Variants in PRKCE observed in about 807,000 individuals in gnomAD.
PRKCE encodes protein kinase C epsilon, also known as protein kinase C epsilon type.
A neutral mutation model predicts 85.4 loss-of-function variants in PRKCE; 16 were observed. That is an observed-to-expected ratio of 0.19 (90% confidence interval 0.13 to 0.28). The LOEUF (loss-of-function observed/expected upper bound fraction) is 0.28, where lower values mean the gene tolerates loss of function less well. Among genes scored for constraint, PRKCE ranks in the 10% least tolerant of loss-of-function variants. The pLI, the probability that PRKCE is intolerant of heterozygous loss-of-function variation, is 1.00. For synonymous variants in PRKCE, 388 were observed against 371.5 expected (o/e 1.04, Z -0.51); for missense variants, 573 against 975.2 (o/e 0.59, Z 5.49).
At chr2:46,076,661 A>G (rs546172693) in intron 10 of PRKCE, among the ~76,000 whole-genome samples, 3 of 152,208 alleles carry the variant, frequency 2.0e-5, no homozygotes, top group African/African-American at 7.2e-5. Context: ...TGGAGTTTTT[A>G]CCATTTGGCC....
chr2:45,982,733 G>T (rs1208141937), intron 5 of PRKCE, among the ~76,000 whole-genome samples: 1 of 152,182 alleles, frequency 6.6e-6, no homozygotes, highest in Non-Finnish European at 1.5e-5. Context: ...GCATGCTCTT[G>T]TGTGGACTCC....
At chr2:46,087,771 A>G (rs1669782960) in intron 11 of PRKCE, among the ~76,000 whole-genome samples, 1 of 152,204 alleles carries the variant, frequency 6.6e-6, no homozygotes, top group Non-Finnish European at 1.5e-5. Context: ...TGATTGAGGA[A>G]TCAGCCAGGC....
At chr2:46,054,311 C>T (rs926469810) in intron 10 of PRKCE, among the ~76,000 whole-genome samples, 6 of 152,234 alleles carry the variant, frequency 3.9e-5, no homozygotes, top group Admixed American at 2.6e-4. Flanking sequence ...TGCACCACCT[C>T]TTCCCACTTG....
intron 2 of PRKCE, among the ~76,000 whole-genome samples, chr2:45,961,034 A>G (rs888563502): frequency 2.0e-5 from 3 of 152,238 alleles, no homozygotes; most frequent in Non-Finnish European, 4.4e-5. Flanking sequence ...TTTATTTTTT[A>G]GAATACCAGG....
At position 45,673,394 on chromosome 2, in the gene PRKCE, A is replaced by G. The variant is rs143608235; in HGVS notation, c.348+20946A>G. Among the ~76,000 whole-genome samples the G allele has an allele frequency of 5.3e-5, 8 of 152,314 alleles. No homozygotes were observed. In the East Asian group the frequency reaches 1.2e-3, roughly 22 times the overall value. ...TTTTTTTTACAGCCTTCGATAGGCT[A>G]TTTTCCATCAGTTTTCTGGATGGCA... On this transcript the variant is annotated intron_variant, in intron 1 of 14. Coordinates refer to ENST00000306156, the MANE Select transcript of PRKCE (RefSeq NM_005400.3).
chr2:46,172,467 G>GGGCCTGGGCA (rs1023591973), intron 14 of PRKCE, among the ~76,000 whole-genome samples: 1 of 151,130 alleles, frequency 6.6e-6, no homozygotes, highest in African/African-American at 2.5e-5. Context: ...GTATAGGTGT[G>GGGCCTGGGCA]GGCCTGGGCA....
rs1172130426 is a variant in PRKCE at position 46,145,753 on chromosome 2, A to C, written c.1731+522A>C. Among the ~76,000 whole-genome samples, 1 of 152,166 alleles carries C rather than the reference A, an allele frequency of 6.6e-6. No individual in the cohort carries two copies. The highest frequency in any genetic ancestry group is 1.9e-4 in the East Asian group (1 of 5,186). On this transcript the variant is annotated intron_variant, in intron 12 of 14. Transcript: ENST00000306156. This position sits in a 1 kb window ranked among gnomAD's most constrained non-coding sequence, Gnocchi z 4.6. ...CATAGTGGTGCAAACCTGTAGTCCC[A>C]GCTACTTGGGAGGCTGAGGTGAAAG...
intron 13 of PRKCE, among the ~76,000 whole-genome samples, chr2:46,156,884 A>C (rs537706511): frequency 6.6e-6 from 1 of 152,196 alleles, no homozygotes; most frequent in East Asian, 1.9e-4. Context: ...CACACTCTCT[A>C]CTTATGTTTT....
At chr2:45,903,894 TGTTTGTTTG>T (rs1558815074) in intron 2 of PRKCE, among the ~76,000 whole-genome samples, 1 of 95,664 alleles carries the variant, frequency 1.0e-5, no homozygotes, top group Non-Finnish European at 2.7e-5. Context: ...TTTTTTTGTT[TGTTTGTTTG>T]TTTGTTTGTT....
chr2:45,921,401 A>T (rs751160212), intron 2 of PRKCE, among the ~76,000 whole-genome samples: 6 of 152,240 alleles, frequency 3.9e-5, no homozygotes, highest in Non-Finnish European at 7.3e-5. Context: ...AGATGGGAGA[A>T]AATAACAATA....
chr2:46,182,173 C>G (rs1680046348), intron 14 of PRKCE, among the ~76,000 whole-genome samples: 1 of 152,152 alleles, frequency 6.6e-6, no homozygotes, highest in Non-Finnish European at 1.5e-5. Context: ...TTGCCACAGC[C>G]TACCCAGCCC....
chr2:45,826,044 TTGG>T (rs1237341082), intron 1 of PRKCE, among the ~76,000 whole-genome samples: 4 of 152,156 alleles, frequency 2.6e-5, no homozygotes, highest in African/African-American at 9.7e-5. Flanking sequence ...GGGTGCATGT[TTGG>T]TGGTGATGGT....
intron 2 of PRKCE, among the ~76,000 whole-genome samples, chr2:45,896,810 A>G (rs1696180839): frequency 6.6e-6 from 1 of 152,230 alleles, no homozygotes; most frequent in Admixed American, 6.5e-5. Flanking sequence ...GACTGAGGGT[A>G]CCGTGGCTCA....
chr2:45,772,784 G>A (rs1318001594), intron 1 of PRKCE, among the ~76,000 whole-genome samples: 2 of 152,128 alleles, frequency 1.3e-5, no homozygotes, highest in South Asian at 2.1e-4. Context: ...AGTGTATCTC[G>A]GGGAAGAGGA....
At chr2:45,756,055 A>G (rs1290095896) in intron 1 of PRKCE, among the ~76,000 whole-genome samples, 2 of 152,206 alleles carry the variant, frequency 1.3e-5, no homozygotes, top group African/African-American at 4.8e-5. Context: ...GGCGTTTACT[A>G]GACACACAAT....
intron 1 of PRKCE, among the ~76,000 whole-genome samples, chr2:45,653,458 C>T (rs1180454803): frequency 8.0e-6 from 1 of 124,404 alleles, no homozygotes; most frequent in African/African-American, 2.9e-5. Context: ...AGGTTTGTTA[C>T]ATGTTTCCAG....
At position 45,862,228 on chromosome 2, in the gene PRKCE, A is replaced by ACG. The variant is rs70937973; in HGVS notation, c.412+19165_412+19166insCG. On this transcript the variant is annotated intron_variant, in intron 2 of 14. Coordinates refer to ENST00000306156, the MANE Select transcript of PRKCE (RefSeq NM_005400.3). ...CACACACACACACACACACACACAC[A>ACG]GTATTTCAAATCTGTTACTCTGAAT... Among the ~76,000 whole-genome samples, 81 of 146,516 alleles carry ACG rather than the reference A, an allele frequency of 5.5e-4. 1 individual carries two copies. Among genetic ancestry groups the ACG allele is most frequent in the South Asian group, 2.4e-3 (11 of 4,566 alleles).
chr2:45,700,800 ACTGGTGTC>A (rs752470153), intron 1 of PRKCE, among the ~76,000 whole-genome samples: 1 of 152,148 alleles, frequency 6.6e-6, no homozygotes, highest in Non-Finnish European at 1.5e-5. Context: ...ATCCAATATG[ACTGGTGTC>A]CTTATAAGAA....
chr2:45,958,210 AAAAG>A (rs1558884751), intron 2 of PRKCE, among the ~76,000 whole-genome samples: 4 of 150,026 alleles, frequency 2.7e-5, no homozygotes, highest in Admixed American at 6.6e-5. Context: ...AAAAAAAAAA[AAAAG>A]AAAAAGAAAA....
Sources: allele counts gnomAD v4.1 joint callset (sites outside exome capture counted in the v4.1 genomes callset), GRCh38; gene constraint gnomAD v4.1.1; non-coding constraint Gnocchi (gnomAD v3.1); transcripts MANE v1.5; gene names NCBI Gene and HGNC (gene_info 2026-07-23, HGNC 2026-07-21).